Variants in SNTB2 observed in about 807,000 individuals in gnomAD.
SNTB2 encodes the protein syntrophin beta 2, also known as beta-2-syntrophin.
In SNTB2, 34 loss-of-function variants were observed where a neutral mutation model predicts 46.2. The ratio of observed to expected loss-of-function variants is 0.74; its 90% CI spans 0.56 to 0.98. The LOEUF is 0.98. SNTB2 is among the 50% of genes least tolerant of loss of function. The pLI, the probability that SNTB2 is intolerant of heterozygous loss-of-function variation, is 0.00. For missense variants in SNTB2, 603 were observed against 731.4 expected, an observed-to-expected ratio of 0.82 and a Z score of 2.02; for synonymous variants, 290 against 312.6, an observed-to-expected ratio of 0.93 and a Z score of 0.76.
At chr16:69,271,561 C>G (rs1964937990) in intron 4 of SNTB2, among the ~76,000 whole-genome samples, 1 of 152,150 alleles carries the variant, frequency 6.6e-6, no homozygotes. Flanking sequence ...TATAGTTTCT[C>G]TGTCATGGTT....
intron 2 of SNTB2, among the ~76,000 whole-genome samples, chr16:69,256,424 A>G (rs1164160746): frequency 1.3e-5 from 2 of 152,112 alleles, no homozygotes; most frequent in Admixed American, 1.3e-4. Flanking sequence ...TGTACAACCA[A>G]TGTCCAGAAA....
intron 4 of SNTB2, among the ~76,000 whole-genome samples, chr16:69,282,073 T>C (rs1195800910): frequency 2.0e-5 from 3 of 150,152 alleles, no homozygotes; most frequent in African/African-American, 7.3e-5. Flanking sequence ...GCCTGGCTGA[T>C]TTTTGTATTT....
chr16:69,295,230 ATTTTTTTTTTTTTTTTT>A lies in SNTB2; in HGVS notation c.1346-4345_1346-4329del, dbSNP rs1160903028. On this transcript the variant is annotated intron_variant, in intron 5 of 6. Transcript: ENST00000336278. ...CTGTTAAACAAAATCAACATACTGA[ATTTTTTTTTTTTTTTTT>A]TTTTTTTTTTTTTTGAGACAAAGTA... Among the ~76,000 whole-genome samples the A allele has an allele frequency of 2.3e-4, 19 of 81,916 alleles. 2 individuals are homozygous for A. The Admixed American group carries it at 2.5e-3, about 11-fold the overall frequency. 53.7% of individuals were successfully genotyped at this position (81,916 alleles called of 152,430 possible). A position where few individuals can be genotyped will look rare whatever the true frequency, so the allele number is the denominator to read the frequency against.
chr16:69,224,399 G>C (rs1182314609), intron 1 of SNTB2, among the ~76,000 whole-genome samples: 1 of 151,954 alleles, frequency 6.6e-6, no homozygotes, highest in African/African-American at 2.4e-5. Context: ...CGTTAGTAGA[G>C]ACGGGGTTTC....
intron 4 of SNTB2, among the ~76,000 whole-genome samples, chr16:69,273,630 G>T (rs1358427358): frequency 6.6e-6 from 1 of 152,114 alleles, no homozygotes; most frequent in Non-Finnish European, 1.5e-5. Flanking sequence ...ATTGAATGTG[G>T]TGATGGTTGC....
intron 1 of SNTB2, among the ~76,000 whole-genome samples, chr16:69,188,924 A>T (rs1445164992): frequency 6.6e-6 from 1 of 152,228 alleles, no homozygotes; most frequent in African/African-American, 2.4e-5. Context: ...ATCTTGAGCC[A>T]GGTCTCCAAG....
intron 1 of SNTB2, among the ~76,000 whole-genome samples, chr16:69,209,871 T>A (rs570445592): frequency 9.9e-5 from 15 of 152,216 alleles, no homozygotes; most frequent in Admixed American, 6.5e-4. Context: ...ACTATATAGA[T>A]CTTGTAGTAT....
rs1473897365 is a variant in SNTB2, at chr16:69,296,541, T to A, written c.1346-3049T>A. Among the ~76,000 whole-genome samples the A allele has an allele frequency of 1.6e-4, 24 of 149,890 alleles. No homozygotes were observed. The South Asian group carries it at 4.7e-3, about 29-fold the overall frequency. On this transcript the variant is annotated intron_variant, in intron 5 of 6. Coordinates refer to ENST00000336278, the MANE Select transcript of SNTB2 (RefSeq NM_006750.4). ...TTTGAGACCAGCCTGGCCAACATGG[T>A]GAAACCCTGTCTCTACTAAAAATAC...
chr16:69,219,784 C>A (rs1964382786), intron 1 of SNTB2, among the ~76,000 whole-genome samples: 1 of 151,686 alleles, frequency 6.6e-6, no homozygotes, highest in South Asian at 2.1e-4. Flanking sequence ...TGGAGTCTCA[C>A]TGTGTTACCA....
At chr16:69,249,828 G>A (rs1263234442) in intron 2 of SNTB2, among the ~76,000 whole-genome samples, 2 of 152,182 alleles carry the variant, frequency 1.3e-5, no homozygotes, top group Non-Finnish European at 2.9e-5. Flanking sequence ...GCCGGGTGCA[G>A]TGGCTAACAC....
intron 3 of SNTB2, among the ~76,000 whole-genome samples, chr16:69,262,411 C>G (rs1964843155): frequency 6.6e-6 from 1 of 150,580 alleles, no homozygotes; most frequent in Non-Finnish European, 1.5e-5. Context: ...GTTGTTGATA[C>G]TAATTTTTAT....
chr16:69,262,702 G>C (rs911516422), intron 3 of SNTB2, among the ~76,000 whole-genome samples: 4 of 150,356 alleles, frequency 2.7e-5, no homozygotes, highest in African/African-American at 4.9e-5. Context: ...TTTGAAATGA[G>C]GTCTCACTCT....
At chr16:69,195,370 A>T (rs2152288960) in intron 1 of SNTB2, among the ~76,000 whole-genome samples, 1 of 152,220 alleles carries the variant, frequency 6.6e-6, no homozygotes, top group East Asian at 1.9e-4. Flanking sequence ...TCTTGGGCTC[A>T]GGTGATCCTC....
At chr16:69,206,824 G>GT (rs1964224626) in intron 1 of SNTB2, among the ~76,000 whole-genome samples, 1 of 151,564 alleles carries the variant, frequency 6.6e-6, no homozygotes. Flanking sequence ...GGAGTGCAGT[G>GT]GCGCAATCTC....
chr16:69,250,799 C>T (rs1318800638), intron 2 of SNTB2, among the ~76,000 whole-genome samples: 1 of 151,892 alleles, frequency 6.6e-6, no homozygotes, highest in Non-Finnish European at 1.5e-5. Flanking sequence ...TTGCTTGAAC[C>T]TGGGAGGCGG....
chr16:69,259,602 C>CTTT (rs746479723), intron 2 of SNTB2, among the ~76,000 whole-genome samples: 2 of 120,618 alleles, frequency 1.7e-5, no homozygotes, highest in African/African-American at 6.1e-5. Flanking sequence ...GAGAAAGTAT[C>CTTT]TTTTTTTTTT....
intron 5 of SNTB2, among the ~76,000 whole-genome samples, chr16:69,296,486 C>T (rs751899843): frequency 1.1e-4 from 16 of 151,668 alleles, no homozygotes; most frequent in East Asian, 1.9e-4. Context: ...TTTGGGAGGC[C>T]GAGGCGGGTG....
In SNTB2 at chr16:69,292,068, A is replaced by C. The variant is rs181323331; in HGVS notation, c.1346-7522A>C. Among the ~76,000 whole-genome samples the C allele has an allele frequency of 3.3e-3, 502 of 151,030 alleles. 4 individuals are homozygous for C. Among genetic ancestry groups the C allele is most frequent in the African/African-American group, 0.012 (473 of 41,124 alleles). On this transcript the variant is annotated intron_variant, in intron 5 of 6. Coordinates refer to ENST00000336278, the MANE Select transcript of SNTB2 (RefSeq NM_006750.4). ...CCTCGTCTCTACTAAAAATACAAAA[A>C]ATTAGCCGGGTGTGGTGGCAGGTGC...
intron 1 of SNTB2, among the ~76,000 whole-genome samples, chr16:69,214,278 G>C (rs1964324127): frequency 6.6e-6 from 1 of 150,420 alleles, no homozygotes; most frequent in Non-Finnish European, 1.5e-5. Flanking sequence ...TCACAAGTGT[G>C]CACCACCACG....
Sources: gnomAD v4.1 joint callset for allele counts (sites outside exome capture counted in the v4.1 genomes callset) on GRCh38, gnomAD v4.1.1 for gene constraint, MANE v1.5 for transcripts, NCBI Gene and HGNC (gene_info 2026-07-23, HGNC 2026-07-21) for gene names.